Variants in LNX1 observed in about 807,000 individuals in gnomAD.
LNX1 encodes E3 ubiquitin-protein ligase LNX.
Under a neutral mutation model 68.4 loss-of-function variants are expected in LNX1, and 54 were observed. That is an observed-to-expected ratio of 0.79 (90% CI 0.63 to 0.99). The LOEUF is 0.99. Ranked by LOEUF, LNX1 falls within the 50% of genes least tolerant of loss-of-function variation. LNX1 has a pLI of 0.00. For missense variants in LNX1, 906 were observed against 926.4 expected (o/e 0.98, Z 0.29); for synonymous variants, 336 against 350.0 (o/e 0.96, Z 0.45).
At chr4:53,477,046 G>A (rs1723610254) in intron 8 of LNX1, 65 bp from the exon 9 acceptor site, 2 of 1,364,938 alleles carry the variant, frequency 1.5e-6, no homozygotes, top group South Asian at 2.3e-5. Flanking sequence ...TGCTTAAAGT[G>A]CAAGGGGATA....
chr4:53,566,167 G>A (rs1275750697), intron 2 of LNX1, among the ~76,000 whole-genome samples: 1 of 151,978 alleles, frequency 6.6e-6, no homozygotes, highest in Non-Finnish European at 1.5e-5. Context: ...GATACTCCTG[G>A]AGAAGAGCAA....
chr4:53,501,345 T>C lies in LNX1; in HGVS notation c.776-2502A>G, dbSNP rs1288555622. On this transcript the variant is annotated intron_variant, in intron 4 of 10. Coordinates refer to ENST00000263925, the MANE Select transcript of LNX1 (RefSeq NM_001126328.3). ...TCACTCTGTCACCCAGGCTGGAGTA[T>C]AGTGGTACAATCTTGGCTCAAAGCA... Among the ~76,000 whole-genome samples the C allele has an allele frequency of 1.0e-4, 15 of 146,254 alleles. No homozygotes were observed. The Admixed American group carries it at 1.1e-3, about 10-fold the overall frequency.
chr4:53,612,007 AT>A (rs1354857640), intron 2 of LNX1, among the ~76,000 whole-genome samples: 2 of 152,204 alleles, frequency 1.3e-5, no homozygotes, highest in African/African-American at 4.8e-5. Context: ...CATTTTTATA[AT>A]ATGCAAAGAT....
chr4:53,466,335 T>C (rs1722677307), intron 9 of LNX1, among the ~76,000 whole-genome samples: 1 of 152,148 alleles, frequency 6.6e-6, no homozygotes, highest in Non-Finnish European at 1.5e-5. Context: ...AAAATTTAAA[T>C]GATCGTAAAA....
chr4:53,559,406 A>G (rs533690728), intron 2 of LNX1, among the ~76,000 whole-genome samples: 1 of 152,340 alleles, frequency 6.6e-6, no homozygotes, highest in African/African-American at 2.4e-5. Context: ...AGCAGTAGAA[A>G]GAAGTTAGGT....
chr4:53,467,180 T>G (rs1722751217), intron 9 of LNX1, among the ~76,000 whole-genome samples: 1 of 152,148 alleles, frequency 6.6e-6, no homozygotes, highest in Non-Finnish European at 1.5e-5. Context: ...CATTTGCGTT[T>G]CACCAATATC....
At chr4:53,573,519 T>A (rs919929506) in intron 2 of LNX1, 104 bp downstream of exon 2, 3 of 701,984 alleles carry the variant, frequency 4.3e-6, no homozygotes, top group African/African-American at 3.6e-5. Flanking sequence ...TTATTTTGAA[T>A]GGATCATTTC....
intron 2 of LNX1, among the ~76,000 whole-genome samples, chr4:53,566,609 G>C (rs1335537069): frequency 1.3e-4 from 19 of 151,278 alleles, no homozygotes; most frequent in African/African-American, 4.6e-4. Flanking sequence ...AAAATAACCA[G>C]CTAACATCAT....
At chr4:53,580,670 A>C (rs1396342896) in intron 1 of LNX1, among the ~76,000 whole-genome samples, 1 of 152,226 alleles carries the variant, frequency 6.6e-6, no homozygotes, top group Non-Finnish European at 1.5e-5. Context: ...GCTATGAATG[A>C]AGCTTAGAAA....
chr4:53,578,009 C>A (rs1274513885), intron 1 of LNX1, among the ~76,000 whole-genome samples: 4 of 152,112 alleles, frequency 2.6e-5, no homozygotes, highest in Non-Finnish European at 5.9e-5. Flanking sequence ...TCAATCCTCA[C>A]AAATGGCATA....
At chr4:53,567,395 A>G (rs1238958161) in intron 2 of LNX1, among the ~76,000 whole-genome samples, 39 of 150,496 alleles carry the variant, frequency 2.6e-4, no homozygotes, top group African/African-American at 8.8e-4. Context: ...CTGAATGACT[A>G]CTGGGTACAT....
chr4:53,567,144 C>T (rs1730754788), intron 2 of LNX1, among the ~76,000 whole-genome samples: 2 of 142,772 alleles, frequency 1.4e-5, no homozygotes, highest in Admixed American at 7.1e-5. Context: ...ACCAAGCGGA[C>T]CTAATAGACA....
At chr4:53,544,654 C>CT (rs1313542924) in intron 2 of LNX1, among the ~76,000 whole-genome samples, 4 of 152,194 alleles carry the variant, frequency 2.6e-5, no homozygotes, top group Non-Finnish European at 5.9e-5. Context: ...ATGCGAGAAT[C>CT]TTTTCTAAAG....
chr4:53,565,013 G>A (rs1178810758), intron 2 of LNX1, among the ~76,000 whole-genome samples: 3 of 152,118 alleles, frequency 2.0e-5, no homozygotes, highest in South Asian at 2.1e-4. Flanking sequence ...ACGGAGTCTC[G>A]CTGATTGCTA....
At chr4:53,603,432 G>A (rs1354726862) in intron 2 of LNX1, 2 of 152,218 alleles carry the variant, frequency 1.3e-5, no homozygotes, top group Non-Finnish European at 2.9e-5. Context: ...TATGCAGCTG[G>A]TGTCCACCAT....
intron 2 of LNX1, among the ~76,000 whole-genome samples, chr4:53,606,355 A>G (rs1315414703): frequency 2.0e-5 from 3 of 152,142 alleles, no homozygotes; most frequent in African/African-American, 7.2e-5. Flanking sequence ...GATCCCTGGA[A>G]ACATACAACC....
chr4:53,577,332 G>A (rs1731557223), intron 1 of LNX1, among the ~76,000 whole-genome samples: 1 of 152,202 alleles, frequency 6.6e-6, no homozygotes, highest in Admixed American at 6.5e-5. Flanking sequence ...ACATGCTACA[G>A]TCTTGGTTAT....
chr4:53,564,784 C>G (rs1047199108), intron 2 of LNX1, among the ~76,000 whole-genome samples: 61 of 152,240 alleles, frequency 4.0e-4, no homozygotes, highest in African/African-American at 1.4e-3. Context: ...TCAGTGGGTG[C>G]GCGCACCCTG....
intron 2 of LNX1, among the ~76,000 whole-genome samples, chr4:53,528,273 C>T (rs571693852): frequency 3.3e-5 from 5 of 152,208 alleles, no homozygotes; most frequent in Admixed American, 6.5e-5. Context: ...TCCGCAGTTT[C>T]AGTTACCTGT....
Sources: allele counts gnomAD v4.1 joint callset (sites outside exome capture counted in the v4.1 genomes callset), GRCh38; gene constraint gnomAD v4.1.1; transcripts MANE v1.5; gene names NCBI Gene and HGNC (gene_info 2026-07-23, HGNC 2026-07-21).